The following HECTD4 variants were observed in gnomAD, a reference collection of about 807,000 sequenced individuals.
HECTD4 encodes HECT domain E3 ubiquitin protein ligase 4.
Under a neutral mutation model 471.5 loss-of-function variants are expected in HECTD4, and 114 were observed. The ratio of observed to expected loss-of-function variants is 0.24; its 90% CI spans 0.21 to 0.28. HECTD4 has a LOEUF of 0.28. Among genes scored for constraint, HECTD4 ranks in the 10% least tolerant of loss-of-function variants. The probability of loss-of-function intolerance (pLI) is 1.00; values close to 1 mark genes in which losing one functional copy is unlikely to be tolerated. For synonymous variants in HECTD4, 2,012 were observed against 2,256.0 expected (o/e 0.89, Z 3.07); for missense variants, 3,866 against 5,651.5 (o/e 0.68, Z 10.13).
chr12:112,302,430 T>C (rs2035184879), intron 7 of HECTD4: 4 of 755,000 alleles, frequency 5.3e-6, no homozygotes, highest in Admixed American at 1.7e-5. Flanking sequence ...GTGAACTGGT[T>C]AATAGCAGGA....
intron 62 of HECTD4, among the ~76,000 whole-genome samples, chr12:112,180,852 T>C (rs1254097797): frequency 1.3e-5 from 2 of 152,262 alleles, no homozygotes; most frequent in East Asian, 3.9e-4. Context: ...ACCGAGGTCT[T>C]TGCTCAATGC....
At chr12:112,314,768 A>G (rs2035445310) in intron 2 of HECTD4, among the ~76,000 whole-genome samples, 1 of 152,252 alleles carries the variant, frequency 6.6e-6, no homozygotes, top group African/African-American at 2.4e-5. Flanking sequence ...ATTATGAAGA[A>G]GTTCTCCTTG....
intron 71 of HECTD4, 63 bp from the exon 72 acceptor site, chr12:112,167,601 G>T: frequency 1.5e-6 from 2 of 1,331,594 alleles, no homozygotes; most frequent in Non-Finnish European, 2.1e-6. Context: ...CAGGGAACAT[G>T]TGTTTCAAGC....
intron 1 of HECTD4, among the ~76,000 whole-genome samples, chr12:112,346,565 A>G (rs1202610869): frequency 6.6e-6 from 1 of 152,200 alleles, no homozygotes; most frequent in Non-Finnish European, 1.5e-5. Context: ...CTGCACTCCA[A>G]GACAAGCACA....
intron 44 of HECTD4, chr12:112,226,430 T>C (rs750335647): frequency 1.2e-5 from 5 of 421,848 alleles, no homozygotes; most frequent in South Asian, 7.3e-5. Context: ...CTAAAGTTAA[T>C]TGAAAAATGC....
Position 112,171,188 on chromosome 12 carries a change from AG to A in HECTD4, c.11860del (p.Leu3954CysfsTer20). 1 of 1,613,414 alleles carries A rather than the reference AG, an allele frequency of 6.2e-7. No individual in the cohort carries two copies. The highest frequency in any genetic ancestry group is 8.5e-7 in the Non-Finnish European group (1 of 1,179,710). On this transcript the variant is annotated frameshift_variant, in exon 68 of 76. Coordinates refer to ENST00000682272, the MANE Select transcript of HECTD4 (RefSeq NM_001388303.1). LOFTEE classifies it high-confidence loss of function. ...SLNTTLETFF[L>X]PLVELRQTPM... ...TGTCTGGCGCAGCTCCACCAGGGGC[AG>A]GAAGAAGGTCTCCAGTGTGGTGTTG...
rs771512946 is a variant in HECTD4 at position 112,172,798 on chromosome 12, G to A, written c.11658C>T (p.Asp3886=). The change falls in exon 67 of 76, where the codon GAC becomes GAT. Residue 3886 remains aspartate (D), a synonymous_variant. Transcript: ENST00000682272. ...KASRKWTLEM[D]VALVQYINQL... ...GGTTGATGTACTGCACAAGTGCCACGTCCATCTCCAGGGTCCACTTTCTTG... is the reference window on the plus strand; with the variant it reads ...GGTTGATGTACTGCACAAGTGCCACATCCATCTCCAGGGTCCACTTTCTTG... 6.2e-6 allele frequency: 10 copies of A among 1,613,886 alleles called. No individual in the cohort carries two copies. Among genetic ancestry groups the A allele is most frequent in the South Asian group, 5.5e-5 (5 of 91,090 alleles).
chr12:112,217,108 G>A lies in HECTD4; in HGVS notation c.7162C>T (p.Leu2388=). Residue 2388 remains leucine (L), a synonymous_variant, in exon 46 of 76, where the codon CTG becomes TTG. Transcript: ENST00000682272. ...FSSHLTSVTF[L]ADPSAGGGLP... is the part of the protein sequence containing the mutation. ...CCTCCCCCAGCGCTGGGGTCAGCCA[G>A]GAAGGTGACTGAGGTAAGGTGAGAT... 1 of 1,595,048 alleles carries A rather than the reference G, an allele frequency of 6.3e-7. No individual in the cohort carries two copies. Among genetic ancestry groups the A allele is most frequent in the Non-Finnish European group, 8.5e-7 (1 of 1,170,732 alleles).
intron 7 of HECTD4, among the ~76,000 whole-genome samples, chr12:112,298,651 GC>G (rs2035095891): frequency 6.6e-6 from 1 of 151,602 alleles, no homozygotes; most frequent in Admixed American, 6.6e-5. Context: ...GGGAGGTCAA[GC>G]CCGGTGGATC....
chr12:112,300,307 CAAA>C (rs572345517), intron 7 of HECTD4, among the ~76,000 whole-genome samples: 1 of 69,900 alleles, frequency 1.4e-5, no homozygotes, highest in Non-Finnish European at 3.1e-5. Flanking sequence ...GATTCCATCT[CAAA>C]AAAAAAAAAA....
In HECTD4 at chr12:112,256,381, C is replaced by T. The variant is rs1593981673; in HGVS notation, c.3266G>A (p.Gly1089Glu). The T allele has an allele frequency of 6.2e-7, 1 of 1,612,394 alleles. No individual in the cohort carries two copies. ...AAATCTAAGGTACAGGCAGCGAGCT[C>T]CTGGGATATGGACCGTTTCTTTAAA... ...YKFKETVHIP[G>E]ARCLYLRFDS... The change falls in exon 21 of 76, where the codon GGA becomes GAA. Residue 1089 changes from glycine (G) to glutamate (E), a missense_variant. By Grantham distance (98) the Gly-to-Glu change is moderately conservative. Transcript: ENST00000682272.
intron 1 of HECTD4, among the ~76,000 whole-genome samples, chr12:112,347,640 T>C (rs1319341325): frequency 2.0e-5 from 3 of 152,226 alleles, no homozygotes; most frequent in Admixed American, 6.5e-5. Flanking sequence ...ACCATCAATA[T>C]GCAAATATCA....
Position 112,261,296 on chromosome 12 carries a change from A to G in HECTD4, c.2873+9T>C. On this transcript the variant is annotated intron_variant, in intron 18 of 75. Coordinates refer to ENST00000682272, the MANE Select transcript of HECTD4 (RefSeq NM_001388303.1). Reference sequence around the variant, plus strand: ...GGCAGCTGGTCACAGCCCACAATCCATTCCTCACCTCTGCTCACGGTCTGC... The same window carrying G: ...GGCAGCTGGTCACAGCCCACAATCCGTTCCTCACCTCTGCTCACGGTCTGC... 6.3e-7 allele frequency: 1 copy of G among 1,575,658 alleles called. No homozygotes were observed. The highest frequency in any genetic ancestry group is 8.7e-7 in the Non-Finnish European group (1 of 1,151,924).
chr12:112,208,774 T>C, intron 50 of HECTD4, 144 bp from the exon 51 acceptor site: 1 of 584,792 alleles, frequency 1.7e-6, no homozygotes, highest in Non-Finnish European at 2.6e-6. Flanking sequence ...AATCACAGAG[T>C]CTAGGAATAA....
At chr12:112,270,105 G>A (rs1306088861) in intron 12 of HECTD4, 122 bp downstream of exon 12, 6 of 818,980 alleles carry the variant, frequency 7.3e-6, no homozygotes, top group Non-Finnish European at 1.2e-5. Context: ...GGATCAGAAG[G>A]TGGTAAGATG....
intron 1 of HECTD4, among the ~76,000 whole-genome samples, chr12:112,380,965 G>T (rs888692575): frequency 1.3e-5 from 2 of 152,018 alleles, no homozygotes; most frequent in Non-Finnish European, 2.9e-5. Context: ...TCCTCTCTGC[G>T]CCCTACCCCA....
At position 112,195,027 on chromosome 12, in the gene HECTD4, G is replaced by A. The variant is rs2032193484; in HGVS notation, c.8607C>T (p.Tyr2869=). Residue 2869 remains tyrosine (Y), a synonymous_variant, in exon 56 of 76, where the codon TAC becomes TAT. Coordinates refer to ENST00000682272, the MANE Select transcript of HECTD4 (RefSeq NM_001388303.1). ...LRCEAALARL[Y]CRMALLNIFA... ...AGATATTGAGCAGGGCCATGCGGCA[G>A]TACAGCCTGGCCAGCGCAGCCTCGC... is the stretch of plus-strand genomic sequence containing the variant. The A allele has an allele frequency of 1.2e-6, 2 of 1,609,054 alleles. No homozygotes were observed. The highest frequency in any genetic ancestry group is 1.7e-6 in the Non-Finnish European group (2 of 1,177,916).
At chr12:112,379,648 G>A (rs2036852443) in intron 1 of HECTD4, among the ~76,000 whole-genome samples, 1 of 151,466 alleles carries the variant, frequency 6.6e-6, no homozygotes. Flanking sequence ...GAGCTGAGAT[G>A]GAGCCACTGC....
At position 112,213,017 on chromosome 12, in the gene HECTD4, A is replaced by G. The variant is rs2032810138; in HGVS notation, c.7466-367T>C. Among the ~76,000 whole-genome samples the G allele has an allele frequency of 1.3e-5, 2 of 152,178 alleles. No homozygotes were observed. The highest frequency in any genetic ancestry group is 4.1e-4 in the South Asian group (2 of 4,828). ...TGCCATGTTGGCCAGACTGGTCTCG[A>G]ACTGTTGACCTCAGGCAATCCACCT... On this transcript the variant is annotated intron_variant, in intron 48 of 75. Coordinates refer to ENST00000682272, the MANE Select transcript of HECTD4 (RefSeq NM_001388303.1). This position sits in a 1 kb window ranked among gnomAD's most constrained non-coding sequence, Gnocchi z 4.0.
Sources: allele counts gnomAD v4.1 joint callset (sites outside exome capture counted in the v4.1 genomes callset), GRCh38; gene constraint gnomAD v4.1.1; non-coding constraint Gnocchi (gnomAD v3.1); transcripts MANE v1.5; gene names NCBI Gene and HGNC (gene_info 2026-07-23, HGNC 2026-07-21).